NUP50: variants seen among roughly 807,000 people sequenced by gnomAD.
NUP50 encodes nucleoporin 50.
Under a neutral mutation model 36.8 loss-of-function variants are expected in NUP50, and 14 were observed. The observed-to-expected ratio is 0.38, with a 90% CI of 0.25 to 0.59. NUP50 has a LOEUF of 0.59. Among genes scored for constraint, NUP50 ranks in the 20% least tolerant of loss-of-function variants. NUP50 has a pLI of 0.63. For synonymous variants in NUP50, 195 were observed against 210.8 expected (o/e 0.93, Z 0.65); for missense variants, 455 against 564.6 (o/e 0.81, Z 1.97).
At chr22:45,183,632 A>G (rs1479630179) in intron 7 of NUP50, 112 bp downstream of exon 7, 1 of 732,114 alleles carries the variant, frequency 1.4e-6, no homozygotes, top group African/African-American at 1.7e-5. Context: ...CATTCAGGCC[A>G]AATTCATCCT....
At chr22:45,182,682 T>TGGC (rs2074395357) in intron 6 of NUP50, among the ~76,000 whole-genome samples, 1 of 132,792 alleles carries the variant, frequency 7.5e-6, no homozygotes, top group Non-Finnish European at 1.5e-5. Context: ...TGGAGTGCAG[T>TGGC]GGCACAATCT....
At position 45,184,901 on chromosome 22, in the gene NUP50, T is replaced by A; in HGVS notation, c.*246T>A. ...TGAATGCAATTTTTGGAAGATTTTTTAATGTTCGTTTATTAAACTAACCCT... is the reference window on the plus strand; with the variant it reads ...TGAATGCAATTTTTGGAAGATTTTTAAATGTTCGTTTATTAAACTAACCCT... On this transcript the variant is annotated 3_prime_UTR_variant, in exon 8 of 8. Coordinates refer to ENST00000347635, the MANE Select transcript of NUP50 (RefSeq NM_007172.4). 3.8e-6 allele frequency: 2 copies of A among 527,204 alleles called. No individual in the cohort carries two copies. Among genetic ancestry groups the A allele is most frequent in the Non-Finnish European group, 6.9e-6 (2 of 291,370 alleles). The allele number at this position is 527,204 out of a possible 1,614,324, so 32.7% of individuals were successfully genotyped here.
chr22:45,182,719 G>C (rs1418984896), intron 6 of NUP50, among the ~76,000 whole-genome samples: 1 of 136,772 alleles, frequency 7.3e-6, no homozygotes, highest in Non-Finnish European at 1.5e-5. Context: ...CCGCCTCCCA[G>C]GTTCATGCCA....
rs1351770285 is a variant in NUP50, at chr22:45,187,005, A to ATATT, written c.*2351_*2354dup. ...TTTAGTTTGACTTATTTTTAACAAA[A>ATATT]TATTAGAAGTTATGCTTTAAAATGT... On this transcript the variant is annotated 3_prime_UTR_variant, in exon 8 of 8. Coordinates refer to ENST00000347635, the MANE Select transcript of NUP50 (RefSeq NM_007172.4). 6.6e-6 allele frequency: 1 copy of ATATT among 152,212 alleles called. No individual in the cohort carries two copies. The highest frequency in any genetic ancestry group is 1.5e-5 in the Non-Finnish European group (1 of 68,040). 9.4% of individuals were successfully genotyped at this position (152,212 alleles called of 1,614,324 possible).
At position 45,184,539 on chromosome 22, in the gene NUP50, A is replaced by T; in HGVS notation, c.1291A>T (p.Asn431Tyr). The T allele has an allele frequency of 3.1e-6, 5 of 1,613,332 alleles. No homozygotes were observed. Among genetic ancestry groups the T allele is most frequent in the Non-Finnish European group, 4.2e-6 (5 of 1,179,280 alleles). Reference sequence around the variant, plus strand: ...TAACGTTCTTATCGTCTGTGTTCCAAATCCACCAATTGACGAGAAGAATGC... The same window carrying T: ...TAACGTTCTTATCGTCTGTGTTCCATATCCACCAATTGACGAGAAGAATGC... ...KNNVLIVCVP[N>Y]PPIDEKNATM... Residue 431 changes from asparagine to tyrosine, a missense_variant, in exon 8 of 8, where the codon AAT becomes TAT. Physicochemically the swap from Asn to Tyr is moderately radical, Grantham distance 143. Coordinates refer to ENST00000347635, the MANE Select transcript of NUP50 (RefSeq NM_007172.4).
chr22:45,179,005 CGTT>C, intron 5 of NUP50, 105 bp downstream of exon 5: 3 of 1,079,706 alleles, frequency 2.8e-6, no homozygotes, highest in South Asian at 1.6e-5. Context: ...CACATTGAGA[CGTT>C]GTTCTCTCCA....
At chr22:45,171,411 C>T (rs186262856) in intron 2 of NUP50, among the ~76,000 whole-genome samples, 189 bp from the exon 3 acceptor site, 2 of 152,268 alleles carry the variant, frequency 1.3e-5, no homozygotes, top group East Asian at 3.9e-4. Context: ...GTTGGCCAGA[C>T]TGGTCTCAAA....
Position 45,170,878 on chromosome 22 carries a change from C to T in NUP50, c.70-722C>T, listed in dbSNP as rs12160392. On this transcript the variant is annotated intron_variant, in intron 2 of 7. Coordinates refer to ENST00000347635, the MANE Select transcript of NUP50 (RefSeq NM_007172.4). ...AAGTACATTTAACTTGGGGCAAGTGCAGCCAGATGGTCCCCTCTATGAGTG... is the reference window on the plus strand; with the variant it reads ...AAGTACATTTAACTTGGGGCAAGTGTAGCCAGATGGTCCCCTCTATGAGTG... The T allele has an allele frequency of 8.4e-3, 5,486 of 651,588 alleles. 216 individuals carry two copies. The African/African-American group carries it at 0.094, about 11-fold the overall frequency. 40.4% of individuals were successfully genotyped at this position (651,588 alleles called of 1,614,324 possible).
intron 2 of NUP50, among the ~76,000 whole-genome samples, chr22:45,168,653 C>T (rs375644521): frequency 1.7e-4 from 26 of 152,284 alleles, no homozygotes; most frequent in African/African-American, 6.3e-4. Context: ...GAAAGTGGTA[C>T]ACCATCACCA....
chr22:45,170,630 G>C (rs1054200547), intron 2 of NUP50, among the ~76,000 whole-genome samples: 4 of 152,156 alleles, frequency 2.6e-5, no homozygotes, highest in African/African-American at 9.7e-5. Context: ...TGTTTTGACA[G>C]GGTCAAAACT....
At chr22:45,172,452 G>A (rs1246437706) in intron 3 of NUP50, among the ~76,000 whole-genome samples, 1 of 152,130 alleles carries the variant, frequency 6.6e-6, no homozygotes, top group Non-Finnish European at 1.5e-5. Flanking sequence ...GAGCACCAAC[G>A]TGATGCTCCA....
rs958827659 is a variant in NUP50 at position 45,164,206 on chromosome 22, CGACCCCTGCGGGCTCCA to C, written c.-90_-74del. 1 of 152,292 alleles carries C rather than the reference CGACCCCTGCGGGCTCCA, an allele frequency of 6.6e-6. No homozygotes were observed. Among genetic ancestry groups the C allele is most frequent in the Non-Finnish European group, 1.5e-5 (1 of 68,116 alleles). 9.4% of individuals were successfully genotyped at this position (152,292 alleles called of 1,614,324 possible). On this transcript the variant is annotated 5_prime_UTR_variant, in exon 1 of 8. Transcript: ENST00000347635. Reference sequence around the variant, plus strand: ...AAGCGGCCGAGCGCGCTCAGCCCGGCGACCCCTGCGGGCTCCAGACCCCTGCGCCGCTGCGCCCCGGG... The same window carrying C: ...AAGCGGCCGAGCGCGCTCAGCCCGGCGACCCCTGCGCCGCTGCGCCCCGGG...
rs2074470700 is a variant in NUP50 at position 45,186,299 on chromosome 22, C to CT, written c.*1645dup. On this transcript the variant is annotated 3_prime_UTR_variant, in exon 8 of 8. Transcript: ENST00000347635. ...GGAGGAAGTGGCCGTTAGTTTTACA[C>CT]TGACTTTTTAAGAATGGAGAATGCA... 6.6e-6 allele frequency: 1 copy of CT among 152,194 alleles called. No individual in the cohort carries two copies. Among genetic ancestry groups the CT allele is most frequent in the African/African-American group, 2.4e-5 (1 of 41,448 alleles). The allele number at this position is 152,194 out of a possible 1,614,324, so 9.4% of individuals were successfully genotyped here.
Position 45,184,848 on chromosome 22 carries a change from A to G in NUP50, c.*193A>G. On this transcript the variant is annotated 3_prime_UTR_variant, in exon 8 of 8. Coordinates refer to ENST00000347635, the MANE Select transcript of NUP50 (RefSeq NM_007172.4). Reference sequence around the variant, plus strand: ...TCAAGAAACTGCACTCTCCCTTCTTAAGAACTGCCTAAAGTGTAAAATACA... The same window carrying G: ...TCAAGAAACTGCACTCTCCCTTCTTGAGAACTGCCTAAAGTGTAAAATACA... The G allele has an allele frequency of 1.6e-6, 1 of 610,140 alleles. No individual in the cohort carries two copies. The highest frequency in any genetic ancestry group is 2.8e-5 in the East Asian group (1 of 35,960). The allele number at this position is 610,140 out of a possible 1,614,324, so 37.8% of individuals were successfully genotyped here.
At chr22:45,166,870 C>A (rs1449667996) in intron 1 of NUP50, among the ~76,000 whole-genome samples, 10 of 152,022 alleles carry the variant, frequency 6.6e-5, no homozygotes, top group African/African-American at 2.4e-4. Flanking sequence ...ATTTTAGAAT[C>A]TTGGACTTTA....
chr22:45,178,179 AT>A (rs1487024792), intron 4 of NUP50, 58 bp from the exon 5 acceptor site: 2 of 1,506,960 alleles, frequency 1.3e-6, no homozygotes, highest in Non-Finnish European at 9.0e-7. Context: ...TGGCAAAAAA[AT>A]CTAGATGATT....
At chr22:45,184,257 C>G (rs535308783) in intron 7 of NUP50, 196 bp from the exon 8 acceptor site, 1 of 598,410 alleles carries the variant, frequency 1.7e-6, no homozygotes, top group African/African-American at 1.9e-5. Flanking sequence ...CGGAAGGCCA[C>G]TCCTCACAGT....
rs1168901405 is a variant in NUP50 at position 45,184,513 on chromosome 22, A to G, written c.1265A>G (p.Asn422Ser). The change falls in exon 8 of 8, where the codon AAT becomes AGT. Residue 422 changes from asparagine (N) to serine (S), a missense_variant. Coordinates refer to ENST00000347635, the MANE Select transcript of NUP50 (RefSeq NM_007172.4). ...PNMPCTRTGKNNVLIVCVPNP... is the reference protein window; with the variant it reads ...PNMPCTRTGKSNVLIVCVPNP... ...ATGCCATGTACGCGAACAGGGAAGA[A>G]TAACGTTCTTATCGTCTGTGTTCCA... The G allele has an allele frequency of 1.9e-6, 3 of 1,613,804 alleles. No homozygotes were observed. Among genetic ancestry groups the G allele is most frequent in the Non-Finnish European group, 2.5e-6 (3 of 1,179,800 alleles).
At chr22:45,169,952 G>A (rs1291729010) in intron 2 of NUP50, among the ~76,000 whole-genome samples, 2 of 152,222 alleles carry the variant, frequency 1.3e-5, no homozygotes, top group Admixed American at 6.5e-5. Context: ...TGCTCCTCCC[G>A]TAGTCCTGGT....
Sources: allele counts gnomAD v4.1 joint callset (sites outside exome capture counted in the v4.1 genomes callset), GRCh38; gene constraint gnomAD v4.1.1; transcripts MANE v1.5; gene names NCBI Gene and HGNC (gene_info 2026-07-23, HGNC 2026-07-21).